Variants in CHCHD6 observed in about 807,000 individuals in gnomAD.
The protein encoded by CHCHD6 is MICOS complex subunit MIC25.
CHCHD6 carries 28 observed loss-of-function variants against 32.3 expected under a neutral mutation model. The ratio of observed to expected loss-of-function variants is 0.87; its 90% CI spans 0.64 to 1.19. CHCHD6 has a LOEUF of 1.19. CHCHD6 is among the 50% of genes most tolerant of loss of function. The pLI is 0.00. For missense variants in CHCHD6, 333 were observed against 307.0 expected, an observed-to-expected ratio of 1.08 and a Z score of -0.63; for synonymous variants, 122 against 117.5, an observed-to-expected ratio of 1.04 and a Z score of -0.25.
intron 4 of CHCHD6, among the ~76,000 whole-genome samples, chr3:126,819,559 C>T (rs758989640): frequency 2.5e-4 from 38 of 152,202 alleles, no homozygotes; most frequent in Non-Finnish European, 2.6e-4. Flanking sequence ...GCAATGACTG[C>T]CATGGAGGTA....
intron 6 of CHCHD6, among the ~76,000 whole-genome samples, chr3:126,925,239 C>T (rs1172380058): frequency 1.3e-5 from 2 of 152,154 alleles, no homozygotes; most frequent in East Asian, 3.9e-4. Context: ...ATTGGAGAGG[C>T]TCCAGAAGGA....
intron 6 of CHCHD6, among the ~76,000 whole-genome samples, chr3:126,954,648 C>T (rs2078759037): frequency 6.6e-6 from 1 of 152,240 alleles, no homozygotes; most frequent in African/African-American, 2.4e-5. Flanking sequence ...CCCCTCAGTG[C>T]CTGCTGGCCT....
chr3:126,781,233 A>G (rs1041664361), intron 4 of CHCHD6, among the ~76,000 whole-genome samples: 2 of 152,166 alleles, frequency 1.3e-5, no homozygotes, highest in Non-Finnish European at 2.9e-5. Flanking sequence ...GCCAATGAAC[A>G]GTGTCTACCC....
intron 4 of CHCHD6, among the ~76,000 whole-genome samples, chr3:126,744,574 A>G (rs1001912487): frequency 1.3e-5 from 2 of 152,248 alleles, no homozygotes; most frequent in African/African-American, 4.8e-5. Flanking sequence ...ATGGAAGCCC[A>G]GTTGGCAGTG....
intron 6 of CHCHD6, among the ~76,000 whole-genome samples, chr3:126,921,894 T>TTA (rs1192733672): frequency 2.6e-5 from 4 of 152,258 alleles, no homozygotes; most frequent in African/African-American, 9.6e-5. Context: ...AGATGACCTA[T>TTA]TAAAACAGTG....
intron 5 of CHCHD6, among the ~76,000 whole-genome samples, chr3:126,881,238 G>T (rs1394787874): frequency 1.3e-5 from 2 of 152,196 alleles, no homozygotes; most frequent in African/African-American, 4.8e-5. Context: ...AAATACAATG[G>T]GTAGAGCCTG....
At chr3:126,950,548 G>A (rs953754444) in intron 6 of CHCHD6, among the ~76,000 whole-genome samples, 1 of 152,174 alleles carries the variant, frequency 6.6e-6, no homozygotes, top group African/African-American at 2.4e-5. Context: ...CCTCCTGGGT[G>A]CAAGTGATTC....
intron 5 of CHCHD6, among the ~76,000 whole-genome samples, chr3:126,891,898 G>A (rs760208296): frequency 1.3e-5 from 2 of 152,122 alleles, no homozygotes; most frequent in Non-Finnish European, 2.9e-5. Flanking sequence ...GAGCTGCGAC[G>A]GTGGCCCCGT....
intron 5 of CHCHD6, among the ~76,000 whole-genome samples, chr3:126,872,897 T>C (rs1283451604): frequency 1.3e-5 from 2 of 152,226 alleles, no homozygotes; most frequent in African/African-American, 4.8e-5. Flanking sequence ...TTCTCCTCTG[T>C]TGTGGCCTAA....
chr3:126,826,856 A>G (rs1940415957), intron 4 of CHCHD6, among the ~76,000 whole-genome samples: 1 of 152,174 alleles, frequency 6.6e-6, no homozygotes, highest in Non-Finnish European at 1.5e-5. Flanking sequence ...TTAGGACAAG[A>G]TCCAGCCAGT....
At chr3:126,920,220 T>TTC (rs1207427320) in intron 6 of CHCHD6, among the ~76,000 whole-genome samples, 1 of 151,824 alleles carries the variant, frequency 6.6e-6, no homozygotes, top group Non-Finnish European at 1.5e-5. Flanking sequence ...GCTTTTTTTT[T>TTC]TTTTTTAAGA....
chr3:126,727,252 C>G (rs931280588), intron 2 of CHCHD6, 66 bp downstream of exon 2: 1 of 1,151,574 alleles, frequency 8.7e-7, no homozygotes, highest in Non-Finnish European at 1.3e-6. Context: ...GGTGCTCACC[C>G]GAGCCCACCT....
chr3:126,866,308 C>G (rs1283194790), intron 5 of CHCHD6, among the ~76,000 whole-genome samples: 1 of 152,216 alleles, frequency 6.6e-6, no homozygotes, highest in Non-Finnish European at 1.5e-5. Flanking sequence ...TTCACCTGCA[C>G]TGACTCCTTT....
At chr3:126,855,193 C>A (rs1576499379) in intron 5 of CHCHD6, among the ~76,000 whole-genome samples, 1 of 152,138 alleles carries the variant, frequency 6.6e-6, no homozygotes, top group Non-Finnish European at 1.5e-5. Context: ...CAGACAGGGG[C>A]CTTGTGAGGG....
At chr3:126,898,328 A>G (rs1054235062) in intron 5 of CHCHD6, among the ~76,000 whole-genome samples, 2 of 152,238 alleles carry the variant, frequency 1.3e-5, no homozygotes, top group Non-Finnish European at 2.9e-5. Context: ...GTCATCAGGA[A>G]TAGACACGGT....
intron 4 of CHCHD6, among the ~76,000 whole-genome samples, chr3:126,848,061 C>G (rs1033275883): frequency 6.6e-6 from 1 of 152,192 alleles, no homozygotes; most frequent in African/African-American, 2.4e-5. Context: ...CTCACCGCAG[C>G]CTCAAACTCC....
chr3:126,757,918 A>G (rs1937023543), intron 4 of CHCHD6, among the ~76,000 whole-genome samples: 1 of 152,234 alleles, frequency 6.6e-6, no homozygotes, highest in South Asian at 2.1e-4. Flanking sequence ...TATGGTATAA[A>G]CAAAACAAAT....
At chr3:126,934,536 C>CCTTTTTT (rs1491268081) in intron 6 of CHCHD6, among the ~76,000 whole-genome samples, 2 of 58,228 alleles carry the variant, frequency 3.4e-5, no homozygotes, top group African/African-American at 1.4e-4. Flanking sequence ...CCCCTCTCTG[C>CCTTTTTT]TTTTTTTTTT....
rs869129860 is a variant in CHCHD6 at position 126,919,310 on chromosome 3, C to CTTTTTTTTTTT, written c.566+4566_566+4567insTTTTTTTTTTT. ...TAATTTTTTTTCTACTATTTCTTTT[C>CTTTTTTTTTTT]TTTTTTCTTTTTTTTTTTTTTTTGA... is the stretch of plus-strand genomic sequence containing the variant. On this transcript the variant is annotated intron_variant, in intron 6 of 7. Coordinates refer to ENST00000290913, the MANE Select transcript of CHCHD6 (RefSeq NM_032343.3). Among the ~76,000 whole-genome samples the CTTTTTTTTTTT allele has an allele frequency of 6.8e-5, 2 of 29,234 alleles. 1 individual carries two copies. The highest frequency in any genetic ancestry group is 2.7e-4 in the Non-Finnish European group (2 of 7,544). The allele number at this position is 29,234 out of a possible 152,430, so 19.2% of individuals were successfully genotyped here.
Sources: allele counts gnomAD v4.1 joint callset (sites outside exome capture counted in the v4.1 genomes callset), GRCh38; gene constraint gnomAD v4.1.1; transcripts MANE v1.5; gene names NCBI Gene and HGNC (gene_info 2026-07-23, HGNC 2026-07-21).